The following MECOM variants were observed in gnomAD, a reference collection of about 807,000 sequenced individuals.
MECOM encodes the protein histone-lysine N-methyltransferase MECOM.
Under a neutral mutation model 116.3 loss-of-function variants are expected in MECOM, and 13 were observed. That is an observed-to-expected ratio of 0.11 (90% confidence interval 0.07 to 0.18). The LOEUF (loss-of-function observed/expected upper bound fraction) is 0.18. Ranked by LOEUF, MECOM falls within the 10% of genes least tolerant of loss-of-function variation. MECOM has a pLI of 1.00. For missense variants in MECOM, 1,299 were observed against 1,509.0 expected, an observed-to-expected ratio of 0.86 and a Z score of 2.31; for synonymous variants, 528 against 535.2, an observed-to-expected ratio of 0.99 and a Z score of 0.19.
intron 2 of MECOM, among the ~76,000 whole-genome samples, chr3:169,351,187 A>G (rs1010189788): frequency 2.6e-5 from 4 of 151,850 alleles, no homozygotes; most frequent in Non-Finnish European, 2.9e-5. Context: ...CTTAATATAG[A>G]TGTACCCACT....
At chr3:169,398,649 C>G (rs1187239384) in intron 1 of MECOM, among the ~76,000 whole-genome samples, 1 of 152,166 alleles carries the variant, frequency 6.6e-6, no homozygotes, top group East Asian at 1.9e-4. Context: ...TCTTTGTCAG[C>G]CTTCTGATCT....
chr3:169,456,574 A>G (rs1418452820), intron 1 of MECOM, among the ~76,000 whole-genome samples: 4 of 152,180 alleles, frequency 2.6e-5, no homozygotes, highest in Non-Finnish European at 2.9e-5. Flanking sequence ...ATCCATGTCA[A>G]CTGGGAGCTG....
intron 2 of MECOM, among the ~76,000 whole-genome samples, chr3:169,178,549 T>C (rs1020069390): frequency 2.0e-5 from 3 of 152,184 alleles, no homozygotes; most frequent in Non-Finnish European, 4.4e-5. Context: ...GAAGAGAAGT[T>C]TCTGGCCATC....
At chr3:169,482,041 C>G (rs1751366890) in intron 1 of MECOM, among the ~76,000 whole-genome samples, 1 of 152,116 alleles carries the variant, frequency 6.6e-6, no homozygotes, top group Admixed American at 6.6e-5. Flanking sequence ...CTATCTCTCT[C>G]CTTAAAAATT....
At chr3:169,586,349 A>G (rs1316779504) in intron 1 of MECOM, among the ~76,000 whole-genome samples, 1 of 152,158 alleles carries the variant, frequency 6.6e-6, no homozygotes, top group Non-Finnish European at 1.5e-5. Flanking sequence ...AAAGCCAACA[A>G]CTGTAATAGT....
chr3:169,367,984 T>C (rs375333125), intron 2 of MECOM, among the ~76,000 whole-genome samples: 23 of 152,186 alleles, frequency 1.5e-4, no homozygotes, highest in South Asian at 6.2e-4. Context: ...AGTGCAAGCA[T>C]CTTTTTTAAA....
intron 12 of MECOM, among the ~76,000 whole-genome samples, chr3:169,099,278 A>G (rs143654771): frequency 3.7e-4 from 56 of 152,340 alleles, no homozygotes; most frequent in African/African-American, 1.2e-3. Flanking sequence ...AAAGAGTAAA[A>G]TGAACGTGAT....
At chr3:169,277,495 G>A (rs985192820) in intron 2 of MECOM, among the ~76,000 whole-genome samples, 1 of 152,142 alleles carries the variant, frequency 6.6e-6, no homozygotes, top group Non-Finnish European at 1.5e-5. Flanking sequence ...AGAGGACTCT[G>A]AAAAGGGAAC....
At chr3:169,435,682 T>A (rs1423833544) in intron 1 of MECOM, among the ~76,000 whole-genome samples, 4 of 152,184 alleles carry the variant, frequency 2.6e-5, no homozygotes, top group Admixed American at 6.5e-5. Context: ...CTGTAGACAA[T>A]TAGAGGGCCA....
rs1283036046 is a variant in MECOM, at chr3:169,090,046, C to T, written c.3355G>A (p.Glu1119Lys). 1 of 1,613,500 alleles carries T rather than the reference C, an allele frequency of 6.2e-7. No homozygotes were observed. Among genetic ancestry groups the T allele is most frequent in the Non-Finnish European group, 8.5e-7 (1 of 1,179,658 alleles). Residue 1119 changes from glutamate (E) to lysine (K), a missense_variant, in exon 15 of 17, where the codon GAA becomes AAA. Physicochemically the swap from Glu to Lys is moderately conservative, Grantham distance 56 (BLOSUM62 1). This residue lies in a region of MECOM where 273 missense variants were observed against 289.3 expected (regional missense o/e 0.94). Coordinates refer to ENST00000651503, the MANE Select transcript of MECOM (RefSeq NM_004991.4). ...CTCATCTCCAGGGCACTGGTTTCTT[C>T]ATAGTCATCCTCAGGGTTTCCTTCA... ...LHEGNPEDDYEETSALEMSCK... is the reference protein window; with the variant it reads ...LHEGNPEDDYKETSALEMSCK...
chr3:169,118,116 T>C, intron 7 of MECOM, among the ~76,000 whole-genome samples: 1 of 152,030 alleles, frequency 6.6e-6, no homozygotes, highest in South Asian at 2.1e-4. Context: ...AAAAAACTCA[T>C]GTCAAGGAGA....
intron 2 of MECOM, among the ~76,000 whole-genome samples, chr3:169,258,048 C>T (rs1429194545): frequency 6.6e-6 from 1 of 152,074 alleles, no homozygotes; most frequent in Non-Finnish European, 1.5e-5. Flanking sequence ...TGGCGAAACC[C>T]CATCTCTACT....
At chr3:169,494,486 A>C (rs1560353123) in intron 1 of MECOM, among the ~76,000 whole-genome samples, 1 of 152,210 alleles carries the variant, frequency 6.6e-6, no homozygotes, top group Non-Finnish European at 1.5e-5. Flanking sequence ...AAAGCAAGGA[A>C]AAGTTAAAAA....
At chr3:169,228,884 C>T (rs1374619507) in intron 2 of MECOM, among the ~76,000 whole-genome samples, 1 of 152,158 alleles carries the variant, frequency 6.6e-6, no homozygotes, top group African/African-American at 2.4e-5. Flanking sequence ...CCTTTTAAAT[C>T]CCAAATTGGG....
chr3:169,444,846 AG>A (rs1260657157), intron 1 of MECOM, among the ~76,000 whole-genome samples: 1 of 152,138 alleles, frequency 6.6e-6, no homozygotes, highest in Non-Finnish European at 1.5e-5. Context: ...ATCCAGACTG[AG>A]GTGGTCTCAG....
chr3:169,326,211 G>T (rs1006608369), intron 2 of MECOM, among the ~76,000 whole-genome samples: 4 of 152,080 alleles, frequency 2.6e-5, no homozygotes, highest in Non-Finnish European at 4.4e-5. Context: ...AGAGAGGAGA[G>T]CCTTCTAGGC....
intron 2 of MECOM, among the ~76,000 whole-genome samples, chr3:169,315,241 G>A (rs1327338023): frequency 6.6e-6 from 1 of 152,172 alleles, no homozygotes; most frequent in African/African-American, 2.4e-5. Flanking sequence ...GGGCGGCAGG[G>A]GAGCCACCAA....
chr3:169,277,861 T>C (rs1366483664), intron 2 of MECOM, among the ~76,000 whole-genome samples: 2 of 152,174 alleles, frequency 1.3e-5, no homozygotes, highest in African/African-American at 2.4e-5. Context: ...CCAACCAGGG[T>C]TTCTCCCAAA....
intron 2 of MECOM, among the ~76,000 whole-genome samples, chr3:169,263,319 G>A (rs541482308): frequency 4.0e-4 from 61 of 150,680 alleles, no homozygotes; most frequent in African/African-American, 1.3e-3. Flanking sequence ...TAGTAGACAC[G>A]GGGTTTCACC....
Sources: allele counts gnomAD v4.1 joint callset (sites outside exome capture counted in the v4.1 genomes callset), GRCh38; gene constraint gnomAD v4.1.1; regional missense constraint gnomAD v4.1.1; transcripts MANE v1.5; gene names NCBI Gene and HGNC (gene_info 2026-07-23, HGNC 2026-07-21).